Variants in CDH13 observed in about 807,000 individuals in gnomAD.
CDH13 encodes cadherin-13.
CDH13 carries 24 observed loss-of-function variants against 63.8 expected under a neutral mutation model. That is an observed-to-expected ratio of 0.38 (90% confidence interval 0.27 to 0.53). The LOEUF is 0.53. Among genes scored for constraint, CDH13 ranks in the 20% least tolerant of loss-of-function variants. CDH13 has a pLI of 0.85. For missense variants in CDH13, 1,049 were observed against 903.1 expected (o/e 1.16, Z -2.07); for synonymous variants, 503 against 355.3 (o/e 1.42, Z -4.67).
At chr16:83,652,833 C>T (rs1166058557) in intron 8 of CDH13, among the ~76,000 whole-genome samples, 2 of 152,162 alleles carry the variant, frequency 1.3e-5, no homozygotes, top group Non-Finnish European at 2.9e-5. Flanking sequence ...ATAAGTCCTC[C>T]CAAAACTTGC....
chr16:83,317,248 C>G (rs2090126804), intron 5 of CDH13, among the ~76,000 whole-genome samples: 1 of 152,200 alleles, frequency 6.6e-6, no homozygotes. Flanking sequence ...GAACTCGAGT[C>G]TGGAAGCCCA....
chr16:83,656,945 CTT>C (rs767655885), intron 8 of CDH13, among the ~76,000 whole-genome samples: 1 of 152,188 alleles, frequency 6.6e-6, no homozygotes, highest in Non-Finnish European at 1.5e-5. Context: ...AATGCCAGCT[CTT>C]GGGCTCCAGG....
chr16:83,220,400 G>C (rs936321684), intron 5 of CDH13, among the ~76,000 whole-genome samples: 1 of 152,110 alleles, frequency 6.6e-6, no homozygotes, highest in South Asian at 2.1e-4. Flanking sequence ...TAGATCCATG[G>C]TATTCATGGT....
At position 82,919,388 on chromosome 16, in the gene CDH13, T is replaced by C. The variant is rs562259717; in HGVS notation, c.157+60915T>C. ...CCCTCCACCCTCAAATAGGTCCCAG[T>C]GTCTGTTGTTTCCCCTTTGTGTCCA... On this transcript the variant is annotated intron_variant, in intron 2 of 13. Transcript: ENST00000567109. Among the ~76,000 whole-genome samples the C allele has an allele frequency of 2.0e-5, 3 of 152,250 alleles. No individual in the cohort carries two copies. In the East Asian group the frequency reaches 5.8e-4, roughly 29 times the overall value.
chr16:83,153,425 G>T (rs28673475), intron 4 of CDH13, among the ~76,000 whole-genome samples: 2,291 of 152,218 alleles, frequency 0.015, 66 homozygotes, highest in African/African-American at 0.052. Flanking sequence ...GCCTCCAGCT[G>T]CATGACTCCT....
At chr16:83,122,599 G>T (rs1290236965) in intron 3 of CDH13, among the ~76,000 whole-genome samples, 1 of 152,126 alleles carries the variant, frequency 6.6e-6, no homozygotes, top group South Asian at 2.1e-4. Context: ...CATAGTTTGG[G>T]ACTTTGTGAT....
intron 1 of CDH13, among the ~76,000 whole-genome samples, chr16:82,737,182 G>C (rs926562753): frequency 6.6e-6 from 1 of 152,230 alleles, no homozygotes; most frequent in African/African-American, 2.4e-5. Flanking sequence ...CCAAAGGCAT[G>C]TGAACTCATC....
intron 5 of CDH13, among the ~76,000 whole-genome samples, chr16:83,269,789 G>A (rs2088745171): frequency 6.6e-6 from 1 of 152,144 alleles, no homozygotes; most frequent in African/African-American, 2.4e-5. Context: ...CATATGGACA[G>A]CTCACTATCA....
intron 3 of CDH13, among the ~76,000 whole-genome samples, chr16:83,077,881 T>A: frequency 6.6e-6 from 1 of 152,216 alleles, no homozygotes; most frequent in East Asian, 1.9e-4. Flanking sequence ...CTGATCTTTT[T>A]AATTTTAGCG....
At chr16:82,629,815 C>T (rs992083592) in intron 1 of CDH13, among the ~76,000 whole-genome samples, 21 of 152,188 alleles carry the variant, frequency 1.4e-4, no homozygotes, top group African/African-American at 4.3e-4. Flanking sequence ...CCAGAAGTGG[C>T]TTCTGGAATT....
chr16:82,859,920 C>G (rs1354831210), intron 2 of CDH13, among the ~76,000 whole-genome samples: 1 of 152,156 alleles, frequency 6.6e-6, no homozygotes, highest in Non-Finnish European at 1.5e-5. Flanking sequence ...TCTGTAATGA[C>G]AAGGTGCAGG....
At chr16:83,575,769 A>G (rs1029628259) in intron 7 of CDH13, among the ~76,000 whole-genome samples, 1 of 152,214 alleles carries the variant, frequency 6.6e-6, no homozygotes, top group South Asian at 2.1e-4. Context: ...CTCTTCAGCT[A>G]TCATTTCACC....
chr16:83,520,013 G>A (rs1038937574), intron 7 of CDH13, among the ~76,000 whole-genome samples: 1 of 152,116 alleles, frequency 6.6e-6, no homozygotes, highest in Non-Finnish European at 1.5e-5. Context: ...AAAAGGGCTA[G>A]GCCTGGGTAA....
At chr16:82,854,409 A>AG (rs1470386114) in intron 1 of CDH13, among the ~76,000 whole-genome samples, 3 of 151,634 alleles carry the variant, frequency 2.0e-5, no homozygotes, top group Non-Finnish European at 4.4e-5. Context: ...TCAAAAAAAA[A>AG]AAAAAAAACA....
At chr16:83,014,886 G>A (rs1438209128) in intron 2 of CDH13, among the ~76,000 whole-genome samples, 13 of 133,110 alleles carry the variant, frequency 9.8e-5, no homozygotes, top group South Asian at 2.3e-4. Flanking sequence ...ATATGTTTGT[G>A]TATATATATA....
chr16:83,123,301 C>G (rs529824618), intron 3 of CDH13, among the ~76,000 whole-genome samples: 62 of 151,332 alleles, frequency 4.1e-4, no homozygotes, highest in African/African-American at 1.5e-3. Context: ...TTTTTTGAGA[C>G]TGATTTTCAC....
intron 5 of CDH13, among the ~76,000 whole-genome samples, chr16:83,223,272 C>T (rs572678501): frequency 6.6e-6 from 1 of 152,160 alleles, no homozygotes; most frequent in Non-Finnish European, 1.5e-5. Context: ...GCACCTTGCA[C>T]CCTCCAGAAG....
At chr16:82,758,855 G>A (rs908253725) in intron 1 of CDH13, among the ~76,000 whole-genome samples, 1 of 152,192 alleles carries the variant, frequency 6.6e-6, no homozygotes, top group African/African-American at 2.4e-5. Flanking sequence ...GCATACTTCA[G>A]TTTTCCCCTG....
At chr16:83,198,512 G>T (rs984526109) in intron 4 of CDH13, among the ~76,000 whole-genome samples, 2 of 152,160 alleles carry the variant, frequency 1.3e-5, no homozygotes, top group African/African-American at 2.4e-5. Context: ...TTATTATTCA[G>T]ATCTCCAGTC....
Sources: allele counts gnomAD v4.1 joint callset (sites outside exome capture counted in the v4.1 genomes callset), GRCh38; gene constraint gnomAD v4.1.1; transcripts MANE v1.5; gene names NCBI Gene and HGNC (gene_info 2026-07-23, HGNC 2026-07-21).